SORCS2: variants seen among roughly 807,000 people sequenced by gnomAD.
SORCS2 encodes the protein sortilin related VPS10 domain containing receptor 2.
Under a neutral mutation model 141.6 loss-of-function variants are expected in SORCS2, and 100 were observed. That is an observed-to-expected ratio of 0.71 (90% CI 0.60 to 0.83). The LOEUF (loss-of-function observed/expected upper bound fraction) is 0.83, where lower values mean the gene tolerates loss of function less well. SORCS2 is among the 40% of genes least tolerant of loss of function. SORCS2 has a pLI of 0.00. For missense variants in SORCS2, 1,646 were observed against 1,560.2 expected (o/e 1.05, Z -0.93); for synonymous variants, 789 against 676.9 (o/e 1.17, Z -2.57).
chr4:7,644,345 C>T (rs1720921971), intron 4 of SORCS2, among the ~76,000 whole-genome samples: 2 of 152,082 alleles, frequency 1.3e-5, no homozygotes, highest in Non-Finnish European at 2.9e-5. Flanking sequence ...CCAGCTGCTG[C>T]CTTCACCACC....
intron 2 of SORCS2, among the ~76,000 whole-genome samples, chr4:7,409,936 T>A (rs558829032): frequency 1.3e-5 from 2 of 152,350 alleles, no homozygotes; most frequent in South Asian, 4.1e-4. Context: ...TCTTTTAATG[T>A]ATAGAATTTT....
At position 7,654,340 on chromosome 4, in the gene SORCS2, C is replaced by T. The variant is rs1008745218; in HGVS notation, c.887+133C>T. 5 of 858,298 alleles carry T rather than the reference C, an allele frequency of 5.8e-6. No homozygotes were observed. In the African/African-American group the frequency reaches 8.4e-5, roughly 14 times the overall value. 53.2% of individuals were successfully genotyped at this position (858,298 alleles called of 1,614,324 possible). A position where few individuals can be genotyped will look rare whatever the true frequency, so the allele number is the denominator to read the frequency against. ...CCCTCCCCATCCCGGGGCTGGGTCCCCACCGTCCACTGCCTCTGCCTGCAG... is the reference window on the plus strand; with the variant it reads ...CCCTCCCCATCCCGGGGCTGGGTCCTCACCGTCCACTGCCTCTGCCTGCAG... On this transcript the variant is annotated intron_variant, in intron 5 of 26. Transcript: ENST00000507866.
chr4:7,641,808 GGA>G lies in SORCS2; in HGVS notation c.813+3317_813+3318del, dbSNP rs1491096403. Among the ~76,000 whole-genome samples the G allele has an allele frequency of 6.9e-5, 10 of 144,540 alleles. No homozygotes were observed. The South Asian group carries it at 1.7e-3, about 24-fold the overall frequency. 94.8% of individuals were successfully genotyped at this position (144,540 alleles called of 152,430 possible). A position where few individuals can be genotyped will look rare whatever the true frequency, so the allele number is the denominator to read the frequency against. On this transcript the variant is annotated intron_variant, in intron 4 of 26. Transcript: ENST00000507866. Reference sequence around the variant, plus strand: ...TGGATGGATGGATGGATGGATGGATGGATGGATGGGTGGGTGGATGGATGGAT... The same window carrying G: ...TGGATGGATGGATGGATGGATGGATGTGGATGGGTGGGTGGATGGATGGAT...
intron 1 of SORCS2, among the ~76,000 whole-genome samples, chr4:7,394,323 C>T (rs1328168883): frequency 6.6e-6 from 1 of 151,836 alleles, no homozygotes; most frequent in Non-Finnish European, 1.5e-5. Flanking sequence ...TAAATAAGGT[C>T]CCCACCCTTA....
In SORCS2 at chr4:7,664,336, G is replaced by A. The variant is rs1577915317; in HGVS notation, c.953-17G>A. ...GGCTGGAGTCTGACCGCCTGGGTCG[G>A]CGCCTCTCTCCTGTAGATTTTCGGT... On this transcript the variant is annotated splice_polypyrimidine_tract_variant and intron_variant, in intron 6 of 26. Coordinates refer to ENST00000507866, the MANE Select transcript of SORCS2 (RefSeq NM_020777.3). This position sits in a 1 kb window ranked among gnomAD's most constrained non-coding sequence, Gnocchi z 4.7. 2 of 1,606,460 alleles carry A rather than the reference G, an allele frequency of 1.2e-6. No homozygotes were observed. The highest frequency in any genetic ancestry group is 2.2e-5 in the East Asian group (1 of 44,648).
chr4:7,645,559 G>A (rs539969638), intron 4 of SORCS2, among the ~76,000 whole-genome samples: 2 of 152,210 alleles, frequency 1.3e-5, no homozygotes, highest in African/African-American at 2.4e-5. Context: ...GCCTGGCTCC[G>A]TAAAAGGCCA....
intron 10 of SORCS2, among the ~76,000 whole-genome samples, chr4:7,684,492 C>A (rs1723750411): frequency 6.6e-6 from 1 of 152,134 alleles, no homozygotes; most frequent in South Asian, 2.1e-4. Context: ...CCCACATGTT[C>A]CTTCCACTGA....
At chr4:7,542,741 A>G (rs1712780659) in intron 3 of SORCS2, among the ~76,000 whole-genome samples, 2 of 152,228 alleles carry the variant, frequency 1.3e-5, no homozygotes, top group Admixed American at 6.5e-5. Context: ...TGATCCTCAG[A>G]GCAATGATCA....
At chr4:7,508,795 C>T (rs947152578) in intron 2 of SORCS2, among the ~76,000 whole-genome samples, 1 of 151,950 alleles carries the variant, frequency 6.6e-6, no homozygotes, top group African/African-American at 2.4e-5. Flanking sequence ...GAGAAGAGGC[C>T]CAGAGGACTG....
In SORCS2 at chr4:7,676,222, T is replaced by A; in HGVS notation, c.1334T>A (p.Ile445Asn). Residue 445 changes from isoleucine to asparagine, a missense_variant, in exon 9 of 27, where the codon ATC becomes AAC. Ile to Asn is a moderately radical substitution (Grantham distance 149). Coordinates refer to ENST00000507866, the MANE Select transcript of SORCS2 (RefSeq NM_020777.3). ...RQAEESVLIDILEVRGVKGVF... is the reference protein window; with the variant it reads ...RQAEESVLIDNLEVRGVKGVF... ...GCGGAGGAGAGCGTGCTCATCGACA[T>A]CCTGGAGGTGGGTCCAGGGTGGATG... The A allele has an allele frequency of 6.5e-7, 1 of 1,550,108 alleles. No homozygotes were observed. Among genetic ancestry groups the A allele is most frequent in the Non-Finnish European group, 8.7e-7 (1 of 1,146,718 alleles).
At chr4:7,247,861 G>A (rs1238807350) in intron 1 of SORCS2, among the ~76,000 whole-genome samples, 1 of 152,264 alleles carries the variant, frequency 6.6e-6, no homozygotes, top group Non-Finnish European at 1.5e-5. Flanking sequence ...GTGCTGAGCA[G>A]AGGCGGAAGG....
intron 1 of SORCS2, among the ~76,000 whole-genome samples, chr4:7,339,176 G>A (rs934241691): frequency 2.0e-5 from 3 of 152,352 alleles, no homozygotes; most frequent in South Asian, 2.1e-4. Context: ...AGCCCATGGA[G>A]CGCTGCCCTT....
chr4:7,210,046 C>T (rs563697555), intron 1 of SORCS2, among the ~76,000 whole-genome samples: 89 of 152,252 alleles, frequency 5.8e-4, no homozygotes, highest in Middle Eastern at 3.4e-3. Flanking sequence ...GAGCCCATGT[C>T]GGGGAGGCTA....
At chr4:7,279,957 C>A (rs143141863) in intron 1 of SORCS2, among the ~76,000 whole-genome samples, 10 of 151,874 alleles carry the variant, frequency 6.6e-5, no homozygotes, top group African/African-American at 2.2e-4. Context: ...ATCCCAACTC[C>A]CAGCTGACCT....
chr4:7,364,687 G>A (rs1042397014), intron 1 of SORCS2, among the ~76,000 whole-genome samples: 2 of 152,218 alleles, frequency 1.3e-5, no homozygotes, highest in African/African-American at 2.4e-5. Context: ...ATTGGCTTGA[G>A]CACTTGGCAG....
intron 3 of SORCS2, among the ~76,000 whole-genome samples, chr4:7,557,111 C>T (rs1448177089): frequency 6.6e-6 from 1 of 152,176 alleles, no homozygotes; most frequent in East Asian, 1.9e-4. Flanking sequence ...GTGCAAAACA[C>T]ACAAGGAGGG....
At chr4:7,273,699 G>T (rs572527592) in intron 1 of SORCS2, among the ~76,000 whole-genome samples, 1 of 152,366 alleles carries the variant, frequency 6.6e-6, no homozygotes, top group South Asian at 2.1e-4. Flanking sequence ...ATCCTGAAGA[G>T]TGAATGCAGA....
chr4:7,404,472 G>C (rs1724838725), intron 2 of SORCS2, among the ~76,000 whole-genome samples: 1 of 152,064 alleles, frequency 6.6e-6, no homozygotes, highest in Admixed American at 6.5e-5. Context: ...TCCATGAACA[G>C]TGTACAAGAG....
intron 3 of SORCS2, among the ~76,000 whole-genome samples, chr4:7,540,151 C>T (rs368022264): frequency 9.6e-5 from 7 of 73,076 alleles, no homozygotes; most frequent in African/African-American, 1.5e-4. Context: ...TGCCCCTCCC[C>T]GCCCCTGCCT....
Sources: gnomAD v4.1 joint callset for allele counts (sites outside exome capture counted in the v4.1 genomes callset) on GRCh38, gnomAD v4.1.1 for gene constraint, Gnocchi (gnomAD v3.1) non-coding constraint, MANE v1.5 for transcripts, NCBI Gene and HGNC (gene_info 2026-07-23, HGNC 2026-07-21) for gene names.